LCP1: variants seen among roughly 807,000 people sequenced by gnomAD.
LCP1 encodes the protein plastin-2.
LCP1 carries 23 observed loss-of-function variants against 72.0 expected under a neutral mutation model. The ratio of observed to expected loss-of-function variants is 0.32; its 90% confidence interval spans 0.23 to 0.45. The LOEUF is 0.45. LCP1 is among the 20% of genes least tolerant of loss of function. LCP1 has a pLI of 1.00. For missense variants in LCP1, 571 were observed against 748.3 expected, an observed-to-expected ratio of 0.76 and a Z score of 2.76; for synonymous variants, 245 against 275.4, an observed-to-expected ratio of 0.89 and a Z score of 1.09.
chr13:46,128,599 G>GAA (rs1238721649), intron 15 of LCP1, among the ~76,000 whole-genome samples: 64 of 143,780 alleles, frequency 4.5e-4, no homozygotes, highest in African/African-American at 1.6e-3. Flanking sequence ...CTCCGTCTCA[G>GAA]AAAAAAAAAA....
chr13:46,163,961 A>T (rs1478807484), intron 1 of LCP1, among the ~76,000 whole-genome samples: 1 of 152,220 alleles, frequency 6.6e-6, no homozygotes, highest in Admixed American at 6.5e-5. Flanking sequence ...CTCTTGGTTC[A>T]TAGGTGTTTA....
intron 1 of LCP1, among the ~76,000 whole-genome samples, chr13:46,181,312 G>T (rs1227723457): frequency 1.3e-5 from 2 of 152,146 alleles, no homozygotes; most frequent in African/African-American, 4.8e-5. Flanking sequence ...AATCCAAAGT[G>T]TCTATGTTTG....
chr13:46,153,105 C>T, intron 6 of LCP1, 160 bp from the exon 7 acceptor site: 1 of 670,822 alleles, frequency 1.5e-6, no homozygotes, highest in Non-Finnish European at 2.4e-6. Flanking sequence ...TGACTCATAA[C>T]CAGAAGAGAA....
At chr13:46,163,288 T>C (rs370684532) in intron 1 of LCP1, among the ~76,000 whole-genome samples, 5 of 152,208 alleles carry the variant, frequency 3.3e-5, no homozygotes, top group Non-Finnish European at 5.9e-5. Flanking sequence ...TTGTTCTGTA[T>C]TAAGAAAAAT....
intron 1 of LCP1, among the ~76,000 whole-genome samples, chr13:46,163,086 T>A (rs1203973171): frequency 2.0e-5 from 3 of 151,770 alleles, no homozygotes; most frequent in Non-Finnish European, 1.5e-5. Flanking sequence ...TGCCGCCCCT[T>A]CTGAGAAGTG....
intron 13 of LCP1, among the ~76,000 whole-genome samples, chr13:46,136,195 T>C (rs1255880724): frequency 1.3e-5 from 2 of 152,126 alleles, no homozygotes; most frequent in East Asian, 3.8e-4. Flanking sequence ...CTCCTGCTTC[T>C]GGGACTCATC....
At chr13:46,156,704 A>G (rs1351528714) in intron 4 of LCP1, 134 bp from the exon 5 acceptor site, 9 of 954,618 alleles carry the variant, frequency 9.4e-6, no homozygotes, top group Admixed American at 2.3e-5. Flanking sequence ...TTATCATCTC[A>G]TATTTATTAA....
chr13:46,156,917 T>C lies in LCP1; in HGVS notation c.359-347A>G, dbSNP rs184740921. 7.4e-3 allele frequency among the ~76,000 whole-genome samples: 1,119 copies of C among 151,440 alleles called. 9 individuals carry two copies. The highest frequency in any genetic ancestry group is 0.025 in the African/African-American group (1,028 of 41,304). ...GCTCACTGCAAGCTCTGCCTCCTGG[T>C]TCACGCCATTCTCCTGCCTCAGCCT... On this transcript the variant is annotated intron_variant, in intron 4 of 15. Coordinates refer to ENST00000323076, the MANE Select transcript of LCP1 (RefSeq NM_002298.5).
intron 7 of LCP1, 27 bp downstream of exon 7, chr13:46,152,753 T>G: frequency 1.2e-6 from 2 of 1,603,966 alleles, no homozygotes; most frequent in Non-Finnish European, 1.7e-6. Flanking sequence ...AGCTGTGTCA[T>G]AAATGACCTT....
chr13:46,157,633 T>C (rs2045811088), intron 4 of LCP1, among the ~76,000 whole-genome samples: 1 of 152,180 alleles, frequency 6.6e-6, no homozygotes. Flanking sequence ...GCCTTAAAGA[T>C]TCACATTGCA....
intron 12 of LCP1, chr13:46,142,894 C>G (rs997676971): frequency 1.1e-4 from 44 of 391,436 alleles, no homozygotes; most frequent in African/African-American, 7.8e-4. Flanking sequence ...CTGTGTCAAC[C>G]CTGTTGTTTC....
chr13:46,178,767 C>T (rs1281278821), intron 1 of LCP1, among the ~76,000 whole-genome samples: 1 of 152,146 alleles, frequency 6.6e-6, no homozygotes, highest in Non-Finnish European at 1.5e-5. Context: ...ATTAGATTAA[C>T]TGAAATAATG....
rs568952509 is a variant in LCP1 at position 46,176,159 on chromosome 13, T to C, written c.-25+5952A>G. On this transcript the variant is annotated intron_variant, in intron 1 of 15. Coordinates refer to ENST00000323076, the MANE Select transcript of LCP1 (RefSeq NM_002298.5). ...GTTCTATAGCACTATAGGATAACTA[T>C]AGTTAACAGTACATAGTTTTAAAAT... Among the ~76,000 whole-genome samples the C allele has an allele frequency of 2.8e-3, 433 of 152,272 alleles. 1 individual carries two copies. The highest frequency in any genetic ancestry group is 4.8e-3 in the Non-Finnish European group (327 of 68,006).
intron 4 of LCP1, 55 bp downstream of exon 4, chr13:46,158,467 C>T (rs2045817087): frequency 6.3e-7 from 1 of 1,588,248 alleles, no homozygotes; most frequent in Admixed American, 1.8e-5. Context: ...GTTTGAATAC[C>T]AAGTTTAGAA....
At chr13:46,149,325 T>A (rs943136371) in intron 8 of LCP1, among the ~76,000 whole-genome samples, 2 of 152,146 alleles carry the variant, frequency 1.3e-5, no homozygotes, top group Admixed American at 1.3e-4. Context: ...TGTGAATCAT[T>A]GATGTTGCAC....
intron 13 of LCP1, among the ~76,000 whole-genome samples, chr13:46,135,003 G>A (rs979570475): frequency 5.9e-5 from 9 of 151,680 alleles, no homozygotes; most frequent in South Asian, 2.1e-4. Context: ...CAGCTACTAG[G>A]GAGGCTGAGG....
intron 13 of LCP1, among the ~76,000 whole-genome samples, chr13:46,136,375 C>T (rs1380198270): frequency 6.6e-6 from 1 of 152,162 alleles, no homozygotes; most frequent in Non-Finnish European, 1.5e-5. Context: ...ACCGTGTGCC[C>T]TCGGACAGGG....
intron 13 of LCP1, among the ~76,000 whole-genome samples, chr13:46,140,034 C>T (rs957925305): frequency 3.6e-4 from 55 of 152,272 alleles, no homozygotes; most frequent in African/African-American, 1.3e-3. Flanking sequence ...ATTTTTCCAG[C>T]ATGGAAAAAG....
chr13:46,130,929 T>A lies in LCP1; in HGVS notation c.1636A>T (p.Ile546Phe). 1 of 1,605,738 alleles carries A rather than the reference T, an allele frequency of 6.2e-7. No individual in the cohort carries two copies. The highest frequency in any genetic ancestry group is 1.1e-5 in the South Asian group (1 of 89,212). ...SSISSFKDPKISTSLPVLDLI... is the reference protein window; with the variant it reads ...SSISSFKDPKFSTSLPVLDLI... Reference sequence around the variant, plus strand: ...TCCAGAACAGGCAGACTTGTACTAATCTTCGGGTCCTATGCAGAGACACAG... The same window carrying A: ...TCCAGAACAGGCAGACTTGTACTAAACTTCGGGTCCTATGCAGAGACACAG... The change falls in exon 15 of 16, where the codon ATT becomes TTT. Residue 546 changes from isoleucine to phenylalanine, a missense_variant. Ile to Phe is a conservative substitution (Grantham distance 21). Coordinates refer to ENST00000323076, the MANE Select transcript of LCP1 (RefSeq NM_002298.5).
Sources: gnomAD v4.1 joint callset for allele counts (sites outside exome capture counted in the v4.1 genomes callset) on GRCh38, gnomAD v4.1.1 for gene constraint, MANE v1.5 for transcripts, NCBI Gene and HGNC (gene_info 2026-07-23, HGNC 2026-07-21) for gene names.